Variants in TRIP13 observed in about 807,000 individuals in gnomAD.
TRIP13 encodes the protein thyroid hormone receptor interactor 13, also known as pachytene checkpoint protein 2 homolog.
A neutral mutation model predicts 54.4 loss-of-function variants in TRIP13; 25 were observed. The ratio of observed to expected loss-of-function variants is 0.46; its 90% CI spans 0.33 to 0.64. The LOEUF is 0.64. Among genes scored for constraint, TRIP13 ranks in the 30% least tolerant of loss-of-function variants. The pLI is 0.02. For missense variants in TRIP13, 373 were observed against 534.2 expected (o/e 0.70, Z 2.97); for synonymous variants, 207 against 207.8 (o/e 1.00, Z 0.03).
At chr5:910,050 G>A (rs1447377658) in intron 9 of TRIP13, among the ~76,000 whole-genome samples, 2 of 152,236 alleles carry the variant, frequency 1.3e-5, no homozygotes, top group East Asian at 1.9e-4. Context: ...TCCCCAACAA[G>A]TGTGCAGGTC....
Position 912,611 on chromosome 5 carries a change from CAGG to C in TRIP13, c.1020+619_1020+621del, listed in dbSNP as rs1001999642. ...ACAGTGACGTGCGGTGAGTGTGAGT[CAGG>C]AGGGCCGTCGCCACGGGCACAATGA... On this transcript the variant is annotated intron_variant, in intron 10 of 12. Transcript: ENST00000166345. The surrounding 1 kb of genome is among the most constrained non-coding windows in gnomAD (Gnocchi z 7.2). Among the ~76,000 whole-genome samples, 8 of 149,670 alleles carry C rather than the reference CAGG, an allele frequency of 5.3e-5. No individual in the cohort carries two copies. The highest frequency in any genetic ancestry group is 1.0e-4 in the Non-Finnish European group (7 of 67,664).
In TRIP13 at chr5:901,446, C is replaced by G. The variant is rs2150683672; in HGVS notation, c.535+15C>G. On this transcript the variant is annotated intron_variant, in intron 5 of 12. Coordinates refer to ENST00000166345, the MANE Select transcript of TRIP13 (RefSeq NM_004237.4). ...GCTGCTCCACGGTAAATTATGCAGG[C>G]TTTTATTTGACCAGATAAGTGGCAT... The G allele has an allele frequency of 6.2e-7, 1 of 1,612,604 alleles. No homozygotes were observed. The highest frequency in any genetic ancestry group is 8.5e-7 in the Non-Finnish European group (1 of 1,179,050).
At chr5:901,810 A>T (rs928749279) in intron 5 of TRIP13, among the ~76,000 whole-genome samples, 5 of 152,100 alleles carry the variant, frequency 3.3e-5, no homozygotes, top group Admixed American at 1.3e-4. Context: ...TTTAGTAGAG[A>T]CGGGGTTTCA....
At position 917,168 on chromosome 5, in the gene TRIP13, C is replaced by A; in HGVS notation, c.*65C>A. On this transcript the variant is annotated 3_prime_UTR_variant, in exon 13 of 13. Transcript: ENST00000166345. ...ACACAACCAGTAAGTGAGGTTGCCC[C>A]ACACAGCCGTCTCCCAGGGAATCCC... 1 of 1,517,034 alleles carries A rather than the reference C, an allele frequency of 6.6e-7. No individual in the cohort carries two copies. The highest frequency in any genetic ancestry group is 9.1e-7 in the Non-Finnish European group (1 of 1,102,840). 94.0% of individuals were successfully genotyped at this position (1,517,034 alleles called of 1,614,324 possible). A position where few individuals can be genotyped will look rare whatever the true frequency, so the allele number is the denominator to read the frequency against.
rs971006958 is a variant in TRIP13, at chr5:908,719, G to A, written c.866+258G>A. 10 of 1,174,536 alleles carry A rather than the reference G, an allele frequency of 8.5e-6. No homozygotes were observed. Among genetic ancestry groups the A allele is most frequent in the African/African-American group, 1.6e-5 (1 of 63,292 alleles). 72.8% of individuals were successfully genotyped at this position (1,174,536 alleles called of 1,614,324 possible). A position where few individuals can be genotyped will look rare whatever the true frequency, so the allele number is the denominator to read the frequency against. On this transcript the variant is annotated intron_variant, in intron 9 of 12. Coordinates refer to ENST00000166345, the MANE Select transcript of TRIP13 (RefSeq NM_004237.4). This position sits in a 1 kb window ranked among gnomAD's most constrained non-coding sequence, Gnocchi z 5.2. ...CACACCTGTAATCCCAGCACTTTGG[G>A]AGGCCGAGGCAGGCGGATCACAAGG...
chr5:905,594 C>A (rs1754098996), intron 6 of TRIP13, among the ~76,000 whole-genome samples: 1 of 152,178 alleles, frequency 6.6e-6, no homozygotes, highest in Non-Finnish European at 1.5e-5. Flanking sequence ...AAAGTTAGAG[C>A]ATTTGTAGAG....
rs529445308 is a variant in TRIP13, at chr5:908,686, C to G, written c.866+225C>G. 9 of 1,308,520 alleles carry G rather than the reference C, an allele frequency of 6.9e-6. No individual in the cohort carries two copies. The highest frequency in any genetic ancestry group is 3.6e-5 in the East Asian group (1 of 27,940). 81.1% of individuals were successfully genotyped at this position (1,308,520 alleles called of 1,614,324 possible). ...TAAAAATGTAATAGAAGGCCAGGCG[C>G]GGTGGCTCACACCTGTAATCCCAGC... On this transcript the variant is annotated intron_variant, in intron 9 of 12. Coordinates refer to ENST00000166345, the MANE Select transcript of TRIP13 (RefSeq NM_004237.4). This position sits in a 1 kb window ranked among gnomAD's most constrained non-coding sequence, Gnocchi z 5.2.
At chr5:896,926 G>C (rs1344448149) in intron 3 of TRIP13, 132 bp downstream of exon 3, 13 of 1,096,094 alleles carry the variant, frequency 1.2e-5, no homozygotes, top group Non-Finnish European at 1.6e-5. Context: ...TCTCTCTTAT[G>C]AAATGGAAAG....
chr5:901,567 CTG>C, intron 5 of TRIP13, 136 bp downstream of exon 5: 2 of 727,658 alleles, frequency 2.7e-6, no homozygotes, highest in Non-Finnish European at 2.3e-6. Flanking sequence ...TGTCCCCTCT[CTG>C]TGAAGCAGAT....
At chr5:900,865 G>A (rs1753971140) in intron 4 of TRIP13, among the ~76,000 whole-genome samples, 1 of 152,152 alleles carries the variant, frequency 6.6e-6, no homozygotes, top group South Asian at 2.1e-4. Flanking sequence ...CTTAACCCCT[G>A]CACCCTCTTC....
Position 892,918 on chromosome 5 carries a change from G to A in TRIP13, c.-81G>A. 7.6e-7 allele frequency: 1 copy of A among 1,319,934 alleles called. No homozygotes were observed. Among genetic ancestry groups the A allele is most frequent in the Non-Finnish European group, 9.9e-7 (1 of 1,005,764 alleles). The allele number at this position is 1,319,934 out of a possible 1,614,324, so 81.8% of individuals were successfully genotyped here. A position where few individuals can be genotyped will look rare whatever the true frequency, so the allele number is the denominator to read the frequency against. On this transcript the variant is annotated 5_prime_UTR_variant, in exon 1 of 13. Transcript: ENST00000166345. ...GCTAGGGCGGGGCCCGCGGGCTGAG[G>A]CAGCGGCTGTGGCGGCGACGCTGGG...
At chr5:901,241 C>T in intron 4 of TRIP13, 100 bp from the exon 5 acceptor site, 4 of 1,038,576 alleles carry the variant, frequency 3.9e-6, no homozygotes, top group Non-Finnish European at 4.3e-6. Context: ...CCCTGTGCTC[C>T]CTCTTCTCAT....
At chr5:895,140 G>A (rs1753887913) in intron 2 of TRIP13, among the ~76,000 whole-genome samples, 188 bp downstream of exon 2, 1 of 152,232 alleles carries the variant, frequency 6.6e-6, no homozygotes, top group Non-Finnish European at 1.5e-5. Flanking sequence ...TAGCCCTGAT[G>A]TCGGGGTGCT....
chr5:915,560 C>A lies in TRIP13; in HGVS notation c.1134-344C>A, dbSNP rs902277745. 4.6e-5 allele frequency among the ~76,000 whole-genome samples: 7 copies of A among 151,086 alleles called. No homozygotes were observed. The highest frequency in any genetic ancestry group is 1.5e-5 in the Non-Finnish European group (1 of 67,506). On this transcript the variant is annotated intron_variant, in intron 11 of 12. Coordinates refer to ENST00000166345, the MANE Select transcript of TRIP13 (RefSeq NM_004237.4). This position sits in a 1 kb window ranked among gnomAD's most constrained non-coding sequence, Gnocchi z 4.2. The stretch of plus-strand genomic sequence containing the variant: ...AAGGATGCTGGCCCTGGGGCAGAGG[C>A]TCCCGGGCAGGTGATGCCTTCCCTG...
chr5:911,139 A>G lies in TRIP13; in HGVS notation c.867-704A>G, dbSNP rs1404341292. Among the ~76,000 whole-genome samples the G allele has an allele frequency of 6.6e-6, 1 of 152,216 alleles. No individual in the cohort carries two copies. The highest frequency in any genetic ancestry group is 1.5e-5 in the Non-Finnish European group (1 of 68,022). On this transcript the variant is annotated intron_variant, in intron 9 of 12. Coordinates refer to ENST00000166345, the MANE Select transcript of TRIP13 (RefSeq NM_004237.4). The surrounding 1 kb of genome is among the most constrained non-coding windows in gnomAD (Gnocchi z 4.7). ...GCTCTCTCTATGGAGTTTAGACGCTAGAGGGGAGAGCAGATCATGAACATG... is the reference window on the plus strand; with the variant it reads ...GCTCTCTCTATGGAGTTTAGACGCTGGAGGGGAGAGCAGATCATGAACATG...
intron 2 of TRIP13, among the ~76,000 whole-genome samples, chr5:896,328 T>C (rs1311055614): frequency 6.6e-6 from 1 of 152,086 alleles, no homozygotes; most frequent in African/African-American, 2.4e-5. Context: ...AATAAGTTAA[T>C]TAAAAAAAAA....
Position 916,538 on chromosome 5 carries a change from CTG to C in TRIP13, c.1204-467_1204-466del, listed in dbSNP as rs748629875. Among the ~76,000 whole-genome samples, 39 of 152,378 alleles carry C rather than the reference CTG, an allele frequency of 2.6e-4. 1 individual carries two copies. The highest frequency in any genetic ancestry group is 8.2e-4 in the African/African-American group (34 of 41,590). On this transcript the variant is annotated intron_variant, in intron 12 of 12. Coordinates refer to ENST00000166345, the MANE Select transcript of TRIP13 (RefSeq NM_004237.4). ...GGCTCTGTCTGATCAGTAGCAGCCTCTGTGCTGGACACAGTGCTCAGCACAGA... is the reference window on the plus strand; with the variant it reads ...GGCTCTGTCTGATCAGTAGCAGCCTCTGCTGGACACAGTGCTCAGCACAGA...
intron 1 of TRIP13, among the ~76,000 whole-genome samples, chr5:893,904 T>C (rs1178789092): frequency 3.3e-5 from 5 of 152,014 alleles, no homozygotes; most frequent in African/African-American, 9.7e-5. Flanking sequence ...ACCTTAGCGC[T>C]CAGAGACACC....
In TRIP13 at chr5:909,613, A is replaced by G. The variant is rs187019167; in HGVS notation, c.866+1152A>G. On this transcript the variant is annotated intron_variant, in intron 9 of 12. Transcript: ENST00000166345. ...TAAAGACACACACACACACAAATAT[A>G]GAGGTGTGAAGTGGGAAGTAGGGGT... 3.3e-3 allele frequency among the ~76,000 whole-genome samples: 508 copies of G among 152,318 alleles called. 2 individuals carry two copies. Among genetic ancestry groups the G allele is most frequent in the Non-Finnish European group, 4.8e-3 (326 of 68,020 alleles).
Sources: gnomAD v4.1 joint callset for allele counts (sites outside exome capture counted in the v4.1 genomes callset) on GRCh38, gnomAD v4.1.1 for gene constraint, Gnocchi (gnomAD v3.1) non-coding constraint, MANE v1.5 for transcripts, NCBI Gene and HGNC (gene_info 2026-07-23, HGNC 2026-07-21) for gene names.